Variants in PALLD observed in about 807,000 individuals in gnomAD.
PALLD encodes palladin.
PALLD carries 61 observed loss-of-function variants against 123.5 expected under a neutral mutation model. The observed-to-expected ratio is 0.49, with a 90% CI of 0.40 to 0.61. The LOEUF is 0.61. Among genes scored for constraint, PALLD ranks in the 20% least tolerant of loss-of-function variants. The pLI is 0.00. For missense variants in PALLD, 1,273 were observed against 1,377.0 expected (o/e 0.92, Z 1.20); for synonymous variants, 465 against 496.4 (o/e 0.94, Z 0.84).
chr4:168,601,237 A>G (rs1772614321), intron 2 of PALLD, among the ~76,000 whole-genome samples: 1 of 151,980 alleles, frequency 6.6e-6, no homozygotes, highest in African/African-American at 2.4e-5. Context: ...CATCTCTCAC[A>G]TCCCGGGAGA....
chr4:168,884,291 A>T (rs1192151903), intron 10 of PALLD, among the ~76,000 whole-genome samples: 1 of 152,242 alleles, frequency 6.6e-6, no homozygotes, highest in African/African-American at 2.4e-5. Context: ...TCTGAAAAAG[A>T]GAAGAGGTTC....
At chr4:168,809,610 C>T (rs1171027189) in intron 10 of PALLD, among the ~76,000 whole-genome samples, 1 of 152,152 alleles carries the variant, frequency 6.6e-6, no homozygotes, top group Non-Finnish European at 1.5e-5. Flanking sequence ...TGCCTGTAAT[C>T]CCAACACTTT....
chr4:168,535,977 C>T (rs1352345942), intron 2 of PALLD, among the ~76,000 whole-genome samples: 2 of 152,182 alleles, frequency 1.3e-5, no homozygotes, highest in African/African-American at 4.8e-5. Flanking sequence ...CTCTCAGTAC[C>T]TTGGTGCCGG....
intron 10 of PALLD, among the ~76,000 whole-genome samples, chr4:168,718,285 T>C (rs17054504): frequency 0.013 from 1,987 of 152,222 alleles, 41 homozygotes; most frequent in African/African-American, 0.045. Context: ...ACCTGGTTGA[T>C]TGAAAAGCAA....
At chr4:168,499,215 G>C (rs969345421) in intron 1 of PALLD, among the ~76,000 whole-genome samples, 2 of 97,096 alleles carry the variant, frequency 2.1e-5, no homozygotes, top group Non-Finnish European at 4.1e-5. Flanking sequence ...AAGGAAGGAA[G>C]AAAGAAAGGG....
At chr4:168,568,825 C>G (rs1768675930) in intron 2 of PALLD, among the ~76,000 whole-genome samples, 1 of 150,798 alleles carries the variant, frequency 6.6e-6, no homozygotes, top group African/African-American at 2.4e-5. Context: ...TATTATATAT[C>G]TATAAAATAG....
chr4:168,755,217 A>G (rs1731657446), intron 10 of PALLD, among the ~76,000 whole-genome samples: 2 of 143,208 alleles, frequency 1.4e-5, no homozygotes. Context: ...TGGGCGAGAG[A>G]GCAAGACTCC....
chr4:168,833,291 CCCACCCTGCGGAG>C (rs147981310), intron 10 of PALLD, among the ~76,000 whole-genome samples: 8,710 of 152,138 alleles, frequency 0.057, 407 homozygotes, highest in South Asian at 0.17. Context: ...CGGGCATCTT[CCCACCCTGCGGAG>C]CCGGGTCTTG....
chr4:168,693,038 T>C (rs1319068329), intron 8 of PALLD, among the ~76,000 whole-genome samples: 2 of 152,142 alleles, frequency 1.3e-5, no homozygotes, highest in Non-Finnish European at 2.9e-5. Flanking sequence ...GAAGGAAACA[T>C]CTCCCCCGCA....
At chr4:168,888,132 G>A (rs1465160150) in intron 10 of PALLD, among the ~76,000 whole-genome samples, 1 of 152,190 alleles carries the variant, frequency 6.6e-6, no homozygotes, top group Non-Finnish European at 1.5e-5. Flanking sequence ...GCACGTGTTT[G>A]TTAAAGGATT....
chr4:168,926,107 T>G (rs1582262643), intron 21 of PALLD, 106 bp from the exon 22 acceptor site: 6 of 912,868 alleles, frequency 6.6e-6, no homozygotes, highest in Middle Eastern at 5.8e-4. Flanking sequence ...ATGGATGTGT[T>G]CAGGTGCCTT....
intron 2 of PALLD, among the ~76,000 whole-genome samples, chr4:168,558,297 C>T (rs1767528254): frequency 6.6e-6 from 1 of 152,218 alleles, no homozygotes; most frequent in Admixed American, 6.5e-5. Context: ...GCACTCAGAT[C>T]TCCTTTCCTG....
intron 2 of PALLD, among the ~76,000 whole-genome samples, chr4:168,540,797 A>AG (rs971151348): frequency 3.0e-4 from 44 of 145,792 alleles, no homozygotes; most frequent in African/African-American, 9.2e-4. Flanking sequence ...AGTTTTTAGC[A>AG]GGTGGGAAGA....
chr4:168,635,271 G>T (rs962253241), intron 2 of PALLD, among the ~76,000 whole-genome samples: 1 of 152,136 alleles, frequency 6.6e-6, no homozygotes, highest in Non-Finnish European at 1.5e-5. Flanking sequence ...AAGCATGGTC[G>T]ATCTTTTCCA....
At chr4:168,904,493 G>A (rs138892523) in intron 15 of PALLD, among the ~76,000 whole-genome samples, 9 of 152,198 alleles carry the variant, frequency 5.9e-5, no homozygotes, top group African/African-American at 1.9e-4. Context: ...GGAGGCTGCT[G>A]GGTATCATGT....
chr4:168,500,669 C>G (rs548551137), intron 1 of PALLD, among the ~76,000 whole-genome samples: 1 of 152,300 alleles, frequency 6.6e-6, no homozygotes, highest in Non-Finnish European at 1.5e-5. Context: ...AGCCACCATG[C>G]CCAGCCCCCT....
chr4:168,878,227 G>A lies in PALLD; in HGVS notation c.1965-12695G>A, dbSNP rs1752080541. The A allele has an allele frequency of 3.4e-6, 5 of 1,478,244 alleles. No homozygotes were observed. The highest frequency in any genetic ancestry group is 1.5e-5 in the African/African-American group (1 of 66,418). 91.6% of individuals were successfully genotyped at this position (1,478,244 alleles called of 1,614,324 possible). On this transcript the variant is annotated intron_variant, in intron 10 of 21. Transcript: ENST00000505667. ...TGCCCGACGTGTTCCCACTGCCGCC[G>A]CCACCACCGCCGCTCCCGAGCCCGG...
chr4:168,560,067 C>T (rs1767713905), intron 2 of PALLD, among the ~76,000 whole-genome samples: 1 of 152,042 alleles, frequency 6.6e-6, no homozygotes, highest in Non-Finnish European at 1.5e-5. Flanking sequence ...ATTCAAGGTA[C>T]CCTCAATATA....
intron 10 of PALLD, among the ~76,000 whole-genome samples, chr4:168,799,404 C>T (rs529681268): frequency 2.0e-5 from 3 of 152,252 alleles, no homozygotes; most frequent in Non-Finnish European, 2.9e-5. Context: ...GAAAGGTAAC[C>T]GAAGTCTCTC....
Sources: allele counts gnomAD v4.1 joint callset (sites outside exome capture counted in the v4.1 genomes callset), GRCh38; gene constraint gnomAD v4.1.1; transcripts MANE v1.5; gene names NCBI Gene and HGNC (gene_info 2026-07-23, HGNC 2026-07-21).